ARHGAP15: variants seen among roughly 807,000 people sequenced by gnomAD.
ARHGAP15 encodes the protein rho GTPase-activating protein 15.
A neutral mutation model predicts 63.7 loss-of-function variants in ARHGAP15; 51 were observed. The ratio of observed to expected loss-of-function variants is 0.80; its 90% CI spans 0.64 to 1.01. The LOEUF (loss-of-function observed/expected upper bound fraction) is 1.01. ARHGAP15 is among the 50% of genes least tolerant of loss of function. The pLI, the probability that ARHGAP15 is intolerant of heterozygous loss-of-function variation, is 0.00. For missense variants in ARHGAP15, 560 were observed against 564.6 expected, an observed-to-expected ratio of 0.99 and a Z score of 0.08; for synonymous variants, 191 against 193.8, an observed-to-expected ratio of 0.99 and a Z score of 0.12.
chr2:143,746,116 T>C (rs1183337468), intron 13 of ARHGAP15, among the ~76,000 whole-genome samples: 1 of 152,208 alleles, frequency 6.6e-6, no homozygotes, highest in Non-Finnish European at 1.5e-5. Context: ...CTCTTCTGTA[T>C]ATATTATTTG....
intron 11 of ARHGAP15, among the ~76,000 whole-genome samples, chr2:143,586,828 A>G (rs1281254841): frequency 6.6e-6 from 1 of 151,806 alleles, no homozygotes; most frequent in Non-Finnish European, 1.5e-5. Context: ...TTCTTGAAAA[A>G]GGCCATTTAC....
At chr2:143,413,041 T>G (rs1688507785) in intron 6 of ARHGAP15, among the ~76,000 whole-genome samples, 1 of 152,222 alleles carries the variant, frequency 6.6e-6, no homozygotes. Flanking sequence ...ATATTGTATC[T>G]ATATCTGGAT....
intron 10 of ARHGAP15, among the ~76,000 whole-genome samples, chr2:143,555,913 A>G (rs1695773853): frequency 6.8e-6 from 1 of 146,332 alleles, no homozygotes; most frequent in South Asian, 2.2e-4. Flanking sequence ...AATAGAATAG[A>G]ATAGAATAGA....
At chr2:143,649,399 G>C (rs1045436019) in intron 12 of ARHGAP15, among the ~76,000 whole-genome samples, 1 of 151,916 alleles carries the variant, frequency 6.6e-6, no homozygotes, top group Non-Finnish European at 1.5e-5. Context: ...AAACAAAACT[G>C]CTTTCCTGAC....
intron 2 of ARHGAP15, among the ~76,000 whole-genome samples, chr2:143,164,148 G>A (rs1005791618): frequency 5.3e-5 from 8 of 151,958 alleles, no homozygotes; most frequent in Non-Finnish European, 1.0e-4. Flanking sequence ...TTCAGATTCG[G>A]TTTATTGTTA....
intron 11 of ARHGAP15, among the ~76,000 whole-genome samples, chr2:143,610,965 G>A (rs1163760696): frequency 1.3e-5 from 2 of 152,098 alleles, no homozygotes; most frequent in Non-Finnish European, 2.9e-5. Context: ...CTCACCTCAA[G>A]TGATCCAACC....
At chr2:143,449,175 C>T (rs143294188) in intron 8 of ARHGAP15, among the ~76,000 whole-genome samples, 1 of 152,094 alleles carries the variant, frequency 6.6e-6, no homozygotes, top group African/African-American at 2.4e-5. Context: ...TGAACTCCCA[C>T]ATCAAAAAGT....
At chr2:143,541,764 G>A (rs577413603) in intron 10 of ARHGAP15, among the ~76,000 whole-genome samples, 31 of 152,148 alleles carry the variant, frequency 2.0e-4, no homozygotes, top group African/African-American at 5.8e-4. Context: ...GTACCCGGCC[G>A]TGTGAGGTGT....
intron 12 of ARHGAP15, chr2:143,676,424 A>G (rs1682827948): frequency 6.6e-6 from 1 of 152,202 alleles, no homozygotes; most frequent in African/African-American, 2.4e-5. Context: ...GGCTTTCAAT[A>G]TGCCTTCCTC....
intron 12 of ARHGAP15, among the ~76,000 whole-genome samples, chr2:143,683,985 T>C (rs893528678): frequency 6.6e-6 from 1 of 152,204 alleles, no homozygotes; most frequent in African/African-American, 2.4e-5. Flanking sequence ...AAAAACTTTC[T>C]GCATTATTTT....
intron 5 of ARHGAP15, among the ~76,000 whole-genome samples, chr2:143,240,711 A>C (rs1351545023): frequency 3.3e-5 from 5 of 152,218 alleles, no homozygotes; most frequent in Non-Finnish European, 1.5e-5. Flanking sequence ...AACAAGTTAC[A>C]GTTCAAAATC....
chr2:143,739,965 A>G (rs999604129), intron 13 of ARHGAP15, among the ~76,000 whole-genome samples: 1 of 151,680 alleles, frequency 6.6e-6, no homozygotes. Flanking sequence ...CTGCCCCAAC[A>G]CTCTACTTTC....
chr2:143,395,116 A>C (rs1687703491), intron 6 of ARHGAP15, among the ~76,000 whole-genome samples: 1 of 152,206 alleles, frequency 6.6e-6, no homozygotes, highest in African/African-American at 2.4e-5. Context: ...GAATAATATA[A>C]TAATTTTAAA....
intron 12 of ARHGAP15, chr2:143,676,599 C>T (rs138452476): frequency 1.3e-5 from 2 of 152,220 alleles, no homozygotes; most frequent in African/African-American, 4.8e-5. Flanking sequence ...GAGAGAGAGA[C>T]AAGAGAATGA....
At chr2:143,363,974 G>C (rs1686177296) in intron 6 of ARHGAP15, among the ~76,000 whole-genome samples, 1 of 152,184 alleles carries the variant, frequency 6.6e-6, no homozygotes, top group South Asian at 2.1e-4. Flanking sequence ...AGTGGAAGAA[G>C]TTACATGTCT....
At chr2:143,260,142 A>T (rs1680646650) in intron 6 of ARHGAP15, among the ~76,000 whole-genome samples, 1 of 152,130 alleles carries the variant, frequency 6.6e-6, no homozygotes, top group Non-Finnish European at 1.5e-5. Context: ...TGACTCAGAA[A>T]CTCGTAATCC....
intron 12 of ARHGAP15, among the ~76,000 whole-genome samples, chr2:143,637,255 C>T (rs1680365813): frequency 6.6e-6 from 1 of 152,074 alleles, no homozygotes; most frequent in African/African-American, 2.4e-5. Flanking sequence ...ATAAAGCTTC[C>T]TCCTATATTC....
At chr2:143,396,361 G>A (rs1465452335) in intron 6 of ARHGAP15, among the ~76,000 whole-genome samples, 2 of 151,996 alleles carry the variant, frequency 1.3e-5, no homozygotes, top group African/African-American at 2.4e-5. Flanking sequence ...TCTTCTCTGT[G>A]CCATAACTAC....
intron 11 of ARHGAP15, among the ~76,000 whole-genome samples, chr2:143,569,514 G>T (rs1412479831): frequency 6.6e-6 from 1 of 152,130 alleles, no homozygotes; most frequent in Non-Finnish European, 1.5e-5. Flanking sequence ...GATGTGGGGG[G>T]AGTGCAAAGC....
Sources: gnomAD v4.1 joint callset for allele counts (sites outside exome capture counted in the v4.1 genomes callset) on GRCh38, gnomAD v4.1.1 for gene constraint, MANE v1.5 for transcripts, NCBI Gene and HGNC (gene_info 2026-07-23, HGNC 2026-07-21) for gene names.